Variants in SLC12A1 observed in about 807,000 individuals in gnomAD.
The protein encoded by SLC12A1 is solute carrier family 12 member 1.
SLC12A1 carries 89 observed loss-of-function variants against 130.4 expected under a neutral mutation model. The observed-to-expected ratio is 0.68, with a 90% CI of 0.58 to 0.81. The LOEUF is 0.81. SLC12A1 is among the 40% of genes least tolerant of loss of function. SLC12A1 has a pLI of 0.00. For missense variants in SLC12A1, 1,310 were observed against 1,336.4 expected (o/e 0.98, Z 0.31); for synonymous variants, 499 against 460.0 (o/e 1.08, Z -1.09).
intron 20 of SLC12A1, among the ~76,000 whole-genome samples, chr15:48,280,409 T>C (rs781759110): frequency 5.9e-5 from 9 of 152,216 alleles, no homozygotes; most frequent in Non-Finnish European, 1.0e-4. Context: ...ATTAGAAACC[T>C]GCCCTCAACT....
intron 25 of SLC12A1, among the ~76,000 whole-genome samples, chr15:48,301,090 C>T (rs1467231681): frequency 1.3e-5 from 2 of 152,172 alleles, no homozygotes; most frequent in Non-Finnish European, 2.9e-5. Flanking sequence ...ATTTAATAAG[C>T]CACTATAGCA....
chr15:48,250,281 G>T (rs1256171971), intron 14 of SLC12A1, among the ~76,000 whole-genome samples: 1 of 152,124 alleles, frequency 6.6e-6, no homozygotes, highest in Non-Finnish European at 1.5e-5. Flanking sequence ...ATAGAGAGTT[G>T]TCATTATCTA....
At chr15:48,293,517 C>T (rs982237453) in intron 24 of SLC12A1, among the ~76,000 whole-genome samples, 3 of 152,126 alleles carry the variant, frequency 2.0e-5, no homozygotes, top group Non-Finnish European at 4.4e-5. Context: ...TTTCTGTTGA[C>T]CATCATTTCT....
intron 20 of SLC12A1, among the ~76,000 whole-genome samples, chr15:48,277,207 G>A (rs2041962348): frequency 1.3e-5 from 2 of 152,128 alleles, no homozygotes; most frequent in South Asian, 4.2e-4. Flanking sequence ...TGAAAAAATT[G>A]AAGACGTAGG....
At chr15:48,242,238 G>C (rs997624051) in intron 10 of SLC12A1, among the ~76,000 whole-genome samples, 7 of 152,128 alleles carry the variant, frequency 4.6e-5, no homozygotes, top group African/African-American at 1.7e-4. Flanking sequence ...CTCCTGGTTG[G>C]GGGTTGCCTC....
intron 17 of SLC12A1, 134 bp downstream of exon 17, chr15:48,259,445 GA>G: frequency 2.9e-6 from 2 of 687,596 alleles, no homozygotes; most frequent in Non-Finnish European, 5.3e-6. Flanking sequence ...CCTCTACCTT[GA>G]TTCATAGAGC....
intron 12 of SLC12A1, 64 bp downstream of exon 12, chr15:48,247,080 T>G (rs2041591465): frequency 7.6e-7 from 1 of 1,321,330 alleles, no homozygotes; most frequent in African/African-American, 1.5e-5. Context: ...TGAATCAAGC[T>G]GAAATATTCG....
At chr15:48,250,362 G>C (rs899417112) in intron 14 of SLC12A1, among the ~76,000 whole-genome samples, 1 of 152,140 alleles carries the variant, frequency 6.6e-6, no homozygotes, top group Admixed American at 6.5e-5. Flanking sequence ...TTGAGGGCCT[G>C]ACAAGATATT....
intron 17 of SLC12A1, among the ~76,000 whole-genome samples, chr15:48,264,176 CA>C (rs2041806026): frequency 6.6e-6 from 1 of 152,084 alleles, no homozygotes. Context: ...TTTTCTTATT[CA>C]TTAATGTTAC....
At chr15:48,273,701 C>T (rs1419655540) in intron 19 of SLC12A1, among the ~76,000 whole-genome samples, 1 of 152,124 alleles carries the variant, frequency 6.6e-6, no homozygotes, top group Non-Finnish European at 1.5e-5. Context: ...ATTCATATTG[C>T]ACCAAACTTA....
chr15:48,242,094 T>C (rs530406337), intron 10 of SLC12A1, among the ~76,000 whole-genome samples: 5 of 152,222 alleles, frequency 3.3e-5, no homozygotes, highest in Admixed American at 6.5e-5. Context: ...ATTGGCAGGA[T>C]ATCAGAACAA....
At chr15:48,209,384 G>T (rs1477613129) in intron 2 of SLC12A1, among the ~76,000 whole-genome samples, 1 of 152,110 alleles carries the variant, frequency 6.6e-6, no homozygotes, top group East Asian at 1.9e-4. Context: ...TTAGAACTTA[G>T]TAGATTTCTT....
At chr15:48,207,482 TA>T (rs1029995940) in intron 1 of SLC12A1, 51 bp from the exon 2 acceptor site, 6 of 337,586 alleles carry the variant, frequency 1.8e-5, no homozygotes, top group African/African-American at 1.3e-4. Context: ...CACCCTTACC[TA>T]AATATATTTG....
chr15:48,281,277 G>A (rs1566854567), intron 20 of SLC12A1, among the ~76,000 whole-genome samples: 2 of 152,192 alleles, frequency 1.3e-5, no homozygotes, highest in Non-Finnish European at 2.9e-5. Flanking sequence ...GTTTGGCATT[G>A]TACTTGGCAT....
intron 21 of SLC12A1, among the ~76,000 whole-genome samples, chr15:48,287,190 C>A (rs935446355): frequency 1.3e-5 from 2 of 152,154 alleles, no homozygotes; most frequent in African/African-American, 2.4e-5. Context: ...GGCAAATAAA[C>A]CCCTCTTGGC....
intron 26 of SLC12A1, among the ~76,000 whole-genome samples, chr15:48,301,842 C>T (rs938128747): frequency 6.6e-6 from 1 of 152,204 alleles, no homozygotes; most frequent in Non-Finnish European, 1.5e-5. Flanking sequence ...TCCATTTTCA[C>T]TCTTTATGCT....
intron 11 of SLC12A1, among the ~76,000 whole-genome samples, chr15:48,246,625 A>G (rs2041583848): frequency 6.6e-6 from 1 of 152,172 alleles, no homozygotes; most frequent in African/African-American, 2.4e-5. Flanking sequence ...TACTAGAAAT[A>G]CAAAAATTAG....
chr15:48,254,720 G>A (rs34346398), intron 15 of SLC12A1, among the ~76,000 whole-genome samples: 3 of 150,184 alleles, frequency 2.0e-5, no homozygotes, highest in South Asian at 2.2e-4. Context: ...AGGAGATGGA[G>A]ACCATCCTGG....
At chr15:48,278,924 G>C (rs750694779) in intron 20 of SLC12A1, among the ~76,000 whole-genome samples, 2 of 151,968 alleles carry the variant, frequency 1.3e-5, no homozygotes, top group Non-Finnish European at 1.5e-5. Context: ...AAATAATCCT[G>C]GCAGTGAACT....
Sources: allele counts gnomAD v4.1 joint callset (sites outside exome capture counted in the v4.1 genomes callset), GRCh38; gene constraint gnomAD v4.1.1; transcripts MANE v1.5; gene names NCBI Gene and HGNC (gene_info 2026-07-23, HGNC 2026-07-21).